The following SRD5A3 variants were observed in gnomAD, a reference collection of about 807,000 sequenced individuals.
SRD5A3 encodes the protein polyprenal reductase.
A neutral mutation model predicts 34.3 loss-of-function variants in SRD5A3; 24 were observed. That is an observed-to-expected ratio of 0.70 (90% CI 0.51 to 0.99). The LOEUF (loss-of-function observed/expected upper bound fraction) is 0.99, where lower values mean the gene tolerates loss of function less well. SRD5A3 is among the 50% of genes least tolerant of loss of function. The pLI, the probability that SRD5A3 is intolerant of heterozygous loss-of-function variation, is 0.00. For missense variants in SRD5A3, 350 were observed against 388.2 expected (o/e 0.90, Z 0.83); for synonymous variants, 161 against 167.3 (o/e 0.96, Z 0.29).
In SRD5A3 at chr4:55,358,535, C is replaced by CAA. The variant is rs576702969; in HGVS notation, c.222-790_222-789dup. On this transcript the variant is annotated intron_variant, in intron 1 of 4. Transcript: ENST00000264228. Reference sequence around the variant, plus strand: ...TGGACAACACAGCAAGACCCTGTCTCAAAAAAAAAAAAAAAAAAAAAAGAA... The same window carrying CAA: ...TGGACAACACAGCAAGACCCTGTCTCAAAAAAAAAAAAAAAAAAAAAAAAGAA... Among the ~76,000 whole-genome samples, 488 of 112,614 alleles carry CAA rather than the reference C, an allele frequency of 4.3e-3. 5 individuals are homozygous for CAA. The highest frequency in any genetic ancestry group is 0.018 in the South Asian group (53 of 2,884). 73.9% of individuals were successfully genotyped at this position (112,614 alleles called of 152,430 possible). A position where few individuals can be genotyped will look rare whatever the true frequency, so the allele number is the denominator to read the frequency against.
At chr4:55,349,018 C>A (rs1246678562) in intron 1 of SRD5A3, among the ~76,000 whole-genome samples, 6 of 152,108 alleles carry the variant, frequency 3.9e-5, no homozygotes, top group Non-Finnish European at 8.8e-5. Context: ...TTTTCCTGTG[C>A]AAAATCTAGT....
intron 1 of SRD5A3, among the ~76,000 whole-genome samples, chr4:55,353,522 G>T (rs545851582): frequency 1.6e-4 from 24 of 152,298 alleles, no homozygotes; most frequent in African/African-American, 5.5e-4. Flanking sequence ...AGCCAGCAGC[G>T]CCAAGTCACT....
At chr4:55,363,981 G>A (rs1478244043) in intron 2 of SRD5A3, 93 bp from the exon 3 acceptor site, 6 of 1,271,394 alleles carry the variant, frequency 4.7e-6, no homozygotes, top group African/African-American at 4.4e-5. Flanking sequence ...GATGTTAGAT[G>A]GGATTTAATA....
At position 55,367,723 on chromosome 4, in the gene SRD5A3, G is replaced by A. The variant is rs1719958144; in HGVS notation, c.697+1G>A. 4.3e-6 allele frequency: 7 copies of A among 1,614,070 alleles called. No individual in the cohort carries two copies. Among genetic ancestry groups the A allele is most frequent in the Non-Finnish European group, 5.9e-6 (7 of 1,180,000 alleles). On this transcript the variant is annotated splice_donor_variant, in intron 4 of 4. Transcript: ENST00000264228. LOFTEE classifies it high-confidence loss of function. ...GGCAATCTCAGGAAAAATAAAGCAG[G>A]TGAGACCTCTTTTAGAGCCTCTGCA...
chr4:55,361,865 A>T (rs1371710547), intron 2 of SRD5A3, among the ~76,000 whole-genome samples: 1 of 151,820 alleles, frequency 6.6e-6, no homozygotes, highest in African/African-American at 2.4e-5. Flanking sequence ...AGCGGATCTC[A>T]CTCCACTCGT....
At chr4:55,350,474 T>G (rs1719147135) in intron 1 of SRD5A3, among the ~76,000 whole-genome samples, 1 of 152,246 alleles carries the variant, frequency 6.6e-6, no homozygotes, top group South Asian at 2.1e-4. Flanking sequence ...CTGCTGCATT[T>G]TACTTTATGC....
intron 1 of SRD5A3, among the ~76,000 whole-genome samples, chr4:55,348,051 C>G (rs1019116813): frequency 6.6e-6 from 1 of 152,160 alleles, no homozygotes; most frequent in African/African-American, 2.4e-5. Context: ...TGCATACACC[C>G]CAGCTGTTGC....
At chr4:55,347,429 G>A (rs1578199518) in intron 1 of SRD5A3, among the ~76,000 whole-genome samples, 1 of 152,124 alleles carries the variant, frequency 6.6e-6, no homozygotes, top group South Asian at 2.1e-4. Flanking sequence ...AGGAGTTCGA[G>A]ACCAGGCTGG....
chr4:55,364,325 T>C lies in SRD5A3; in HGVS notation c.562+54T>C, dbSNP rs1405985252. ...CCCCACCCCAGGGTGTATGATGCGC[T>C]CTCGGGGCTTGTGCTGTGCTAAGCA... On this transcript the variant is annotated intron_variant, in intron 3 of 4. Transcript: ENST00000264228. 6 of 1,576,114 alleles carry C rather than the reference T, an allele frequency of 3.8e-6. No homozygotes were observed. The African/African-American group carries it at 4.0e-5, about 11-fold the overall frequency.
Position 55,346,520 on chromosome 4 carries a change from C to T in SRD5A3, c.184C>T (p.Arg62Cys). ...YGKTKCGEPS[R>C]PAACRAFDVP... is the part of the protein sequence containing the mutation. ...GAAAACCAAGTGTGGGGAGCCGTCGCGCCCCGCCGCCTGCCGAGCCTTTGA... is the reference window on the plus strand; with the variant it reads ...GAAAACCAAGTGTGGGGAGCCGTCGTGCCCCGCCGCCTGCCGAGCCTTTGA... The change falls in exon 1 of 5, where the codon CGC becomes TGC. Residue 62 changes from arginine to cysteine, a missense_variant. By Grantham distance (180) the Arg-to-Cys change is radical. Around this residue, in one of 3 missense-constraint regions of SRD5A3, gnomAD observed 159 missense variants for 149.1 expected, o/e 1.07. Transcript: ENST00000264228. 1 of 1,597,572 alleles carries T rather than the reference C, an allele frequency of 6.3e-7. No individual in the cohort carries two copies. Among genetic ancestry groups the T allele is most frequent in the Non-Finnish European group, 8.5e-7 (1 of 1,173,386 alleles).
rs189820862 is a variant in SRD5A3, at chr4:55,370,936, G to C, written c.*845G>C. 1 of 152,040 alleles carries C rather than the reference G, an allele frequency of 6.6e-6. No individual in the cohort carries two copies. Among genetic ancestry groups the C allele is most frequent in the Non-Finnish European group, 1.5e-5 (1 of 68,026 alleles). 9.4% of individuals were successfully genotyped at this position (152,040 alleles called of 1,614,324 possible). On this transcript the variant is annotated 3_prime_UTR_variant, in exon 5 of 5. Coordinates refer to ENST00000264228, the MANE Select transcript of SRD5A3 (RefSeq NM_024592.5). The stretch of plus-strand genomic sequence containing the variant: ...TACACCAAAAGTTTCAGGAAAAAAC[G>C]AGTTTGTTGGAGTTAGTTTATACTT...
intron 2 of SRD5A3, among the ~76,000 whole-genome samples, chr4:55,360,382 T>C (rs183101112): frequency 1.3e-3 from 197 of 151,804 alleles, no homozygotes; most frequent in African/African-American, 4.5e-3. Context: ...GGCAGGCGCT[T>C]GTAATCCCAG....
At chr4:55,355,520 G>T (rs1317880629) in intron 1 of SRD5A3, among the ~76,000 whole-genome samples, 1 of 151,896 alleles carries the variant, frequency 6.6e-6, no homozygotes, top group Non-Finnish European at 1.5e-5. Flanking sequence ...CAAAATGTGG[G>T]AATGAAAAGC....
At chr4:55,366,224 G>A (rs1448255929) in intron 3 of SRD5A3, among the ~76,000 whole-genome samples, 1 of 152,114 alleles carries the variant, frequency 6.6e-6, no homozygotes, top group Non-Finnish European at 1.5e-5. Flanking sequence ...TTTCCTGTAG[G>A]TAAACTCTCT....
chr4:55,367,997 C>T (rs1719967866), intron 4 of SRD5A3, among the ~76,000 whole-genome samples: 1 of 152,160 alleles, frequency 6.6e-6, no homozygotes, highest in South Asian at 2.1e-4. Context: ...GGAGTTAGTA[C>T]CAGCCACAGC....
intron 2 of SRD5A3, among the ~76,000 whole-genome samples, chr4:55,361,482 CAA>C (rs59113946): frequency 0.32 from 33,019 of 101,762 alleles, 4,236 homozygotes; most frequent in East Asian, 0.54. Flanking sequence ...GACTCCGTCT[CAA>C]AAAAAAAAAA....
rs570628865 is a variant in SRD5A3, at chr4:55,356,502, T to A, written c.222-2844T>A. ...TAGGGTTTTGTTTGTTTGTTTGTTT[T>A]GAGACAGAATCTCGCTTTGTCACCC... is the stretch of plus-strand genomic sequence containing the variant. On this transcript the variant is annotated intron_variant, in intron 1 of 4. Coordinates refer to ENST00000264228, the MANE Select transcript of SRD5A3 (RefSeq NM_024592.5). Among the ~76,000 whole-genome samples the A allele has an allele frequency of 3.9e-5, 6 of 152,194 alleles. No homozygotes were observed. In the East Asian group the frequency reaches 9.7e-4, roughly 25 times the overall value.
chr4:55,357,034 T>G (rs1327666342), intron 1 of SRD5A3, among the ~76,000 whole-genome samples: 1 of 152,228 alleles, frequency 6.6e-6, no homozygotes. Flanking sequence ...TGTTATTTCT[T>G]CTGCCTAGAA....
chr4:55,350,794 ACT>A (rs1719162508), intron 1 of SRD5A3, among the ~76,000 whole-genome samples: 1 of 120,152 alleles, frequency 8.3e-6, no homozygotes, highest in Non-Finnish European at 1.6e-5. Flanking sequence ...AGACAGTCTT[ACT>A]CTGTCACCCA....
Sources: gnomAD v4.1 joint callset for allele counts (sites outside exome capture counted in the v4.1 genomes callset) on GRCh38, gnomAD v4.1.1 for gene constraint, gnomAD v4.1.1 regional missense constraint, MANE v1.5 for transcripts, NCBI Gene and HGNC (gene_info 2026-07-23, HGNC 2026-07-21) for gene names.